The following NDST4 variants were observed in gnomAD, a reference collection of about 807,000 sequenced individuals.
NDST4 encodes the protein N-deacetylase and N-sulfotransferase 4.
In NDST4, 63 loss-of-function variants were observed where a neutral mutation model predicts 100.8. That is an observed-to-expected ratio of 0.62 (90% CI 0.51 to 0.77). NDST4 has a LOEUF of 0.77. Ranked by LOEUF, NDST4 falls within the 30% of genes least tolerant of loss-of-function variation. The pLI is 0.00. For missense variants in NDST4, 943 were observed against 1,018.4 expected (o/e 0.93, Z 1.01); for synonymous variants, 377 against 361.8 (o/e 1.04, Z -0.48).
At chr4:114,900,720 A>T (rs1724818998) in intron 6 of NDST4, among the ~76,000 whole-genome samples, 1 of 152,126 alleles carries the variant, frequency 6.6e-6, no homozygotes, top group African/African-American at 2.4e-5. Flanking sequence ...AAATTACCTA[A>T]AGATGCATTT....
At chr4:114,884,251 A>G (rs1724431545) in intron 6 of NDST4, among the ~76,000 whole-genome samples, 2 of 152,078 alleles carry the variant, frequency 1.3e-5, no homozygotes, top group South Asian at 4.1e-4. Flanking sequence ...ACTTATTCAC[A>G]CATGCATGTG....
At chr4:115,043,996 T>C (rs114394543) in intron 2 of NDST4, among the ~76,000 whole-genome samples, 2,199 of 152,216 alleles carry the variant, frequency 0.014, 63 homozygotes, top group African/African-American at 0.05. Flanking sequence ...TATTACAATG[T>C]TGTGTTTGTA....
intron 7 of NDST4, among the ~76,000 whole-genome samples, chr4:114,862,369 C>T (rs1443508056): frequency 1.3e-5 from 2 of 152,110 alleles, no homozygotes; most frequent in Non-Finnish European, 2.9e-5. Context: ...CATTTCTGTA[C>T]TGCATTTTTA....
intron 12 of NDST4, among the ~76,000 whole-genome samples, chr4:114,830,260 A>T (rs1476510153): frequency 6.6e-6 from 1 of 152,214 alleles, no homozygotes; most frequent in Non-Finnish European, 1.5e-5. Flanking sequence ...TATGGATGTG[A>T]TTTCAAAGAT....
In NDST4 at chr4:115,087,845, A is replaced by G. The variant is rs146125354; in HGVS notation, c.-246-10563T>C. Among the ~76,000 whole-genome samples, 4 of 151,972 alleles carry G rather than the reference A, an allele frequency of 2.6e-5. No individual in the cohort carries two copies. The East Asian group carries it at 7.7e-4, about 29-fold the overall frequency. ...AGAAACTCAACTGCTTTTTTTCTTA[A>G]CAAAATTTATGTATATTTTATACTT... On this transcript the variant is annotated intron_variant, in intron 1 of 13. Coordinates refer to ENST00000264363, the MANE Select transcript of NDST4 (RefSeq NM_022569.3).
At chr4:114,958,380 C>A (rs183906430) in intron 4 of NDST4, among the ~76,000 whole-genome samples, 1 of 147,940 alleles carries the variant, frequency 6.8e-6, no homozygotes, top group African/African-American at 2.7e-5. Context: ...GTAACATGTT[C>A]CTCATCTCCA....
In NDST4 at chr4:114,902,727, C is replaced by T. The variant is rs141369830; in HGVS notation, c.1537-31777G>A. On this transcript the variant is annotated intron_variant, in intron 6 of 13. Coordinates refer to ENST00000264363, the MANE Select transcript of NDST4 (RefSeq NM_022569.3). ...ATGATTACACTTTTGGTATTTATTC[C>T]GTAGTTCTTGGATATTCTGGATTTT... Among the ~76,000 whole-genome samples the T allele has an allele frequency of 5.5e-4, 83 of 151,702 alleles. 5 individuals carry two copies. In the East Asian group the frequency reaches 6.6e-3, roughly 12 times the overall value.
chr4:114,999,713 C>A (rs912285624), intron 2 of NDST4, among the ~76,000 whole-genome samples: 2 of 151,920 alleles, frequency 1.3e-5, no homozygotes, highest in Admixed American at 1.3e-4. Flanking sequence ...GAATTTTGAA[C>A]TTACTTCCTA....
At chr4:114,842,506 T>C (rs1213117770) in intron 10 of NDST4, among the ~76,000 whole-genome samples, 1 of 151,120 alleles carries the variant, frequency 6.6e-6, no homozygotes, top group Admixed American at 6.6e-5. Flanking sequence ...AAAATACTTT[T>C]TGTGGCAGGG....
intron 6 of NDST4, among the ~76,000 whole-genome samples, chr4:114,884,327 A>G (rs1238245407): frequency 6.6e-6 from 1 of 152,098 alleles, no homozygotes; most frequent in Non-Finnish European, 1.5e-5. Flanking sequence ...GGAGGAGAAG[A>G]AAAAACTTTA....
At position 114,986,832 on chromosome 4, in the gene NDST4, A is replaced by ATATATATATATATATTTTTTTTT; in HGVS notation, c.979-9559_979-9558insAAAAAAAAATATATATATATATA. Among the ~76,000 whole-genome samples, 9 of 94,654 alleles carry ATATATATATATATATTTTTTTTT rather than the reference A, an allele frequency of 9.5e-5. 1 individual carries two copies. The highest frequency in any genetic ancestry group is 1.7e-4 in the Non-Finnish European group (8 of 46,230). 62.1% of individuals were successfully genotyped at this position (94,654 alleles called of 152,430 possible). On this transcript the variant is annotated intron_variant, in intron 2 of 13. Transcript: ENST00000264363. ...TATATATATATATATATATATATAT[A>ATATATATATATATATTTTTTTTT]TTTTAATATACTATTCCTATAAGCT...
At chr4:115,072,612 T>C (rs1729100462) in intron 2 of NDST4, among the ~76,000 whole-genome samples, 1 of 151,966 alleles carries the variant, frequency 6.6e-6, no homozygotes, top group Admixed American at 6.6e-5. Context: ...CAATAAATAG[T>C]GTTAGGAAAA....
intron 2 of NDST4, among the ~76,000 whole-genome samples, chr4:115,055,145 T>C (rs1728666796): frequency 1.3e-5 from 2 of 152,144 alleles, no homozygotes; most frequent in Non-Finnish European, 2.9e-5. Context: ...TATGAGAATC[T>C]AATGCCTCAT....
chr4:115,011,411 A>G (rs1309263838), intron 2 of NDST4, among the ~76,000 whole-genome samples: 1 of 151,854 alleles, frequency 6.6e-6, no homozygotes, highest in Non-Finnish European at 1.5e-5. Context: ...TTCATGCACC[A>G]TCAAACTTTC....
intron 6 of NDST4, among the ~76,000 whole-genome samples, chr4:114,926,632 G>C (rs905071712): frequency 6.6e-6 from 1 of 152,000 alleles, no homozygotes; most frequent in African/African-American, 2.4e-5. Context: ...TTGTATTGTA[G>C]AGAGGGCCAA....
chr4:114,929,078 A>ATCCG (rs1725448826), intron 6 of NDST4, among the ~76,000 whole-genome samples: 2 of 96,570 alleles, frequency 2.1e-5, no homozygotes, highest in African/African-American at 3.8e-5. Flanking sequence ...CCGTCCGTCC[A>ATCCG]TCCATCCATC....
chr4:115,014,662 G>A (rs1727636349), intron 2 of NDST4, among the ~76,000 whole-genome samples: 1 of 152,016 alleles, frequency 6.6e-6, no homozygotes, highest in African/African-American at 2.4e-5. Flanking sequence ...TCAAATCAAT[G>A]GTGCTTGGAG....
At chr4:114,877,660 A>G (rs1243901728) in intron 6 of NDST4, among the ~76,000 whole-genome samples, 1 of 152,204 alleles carries the variant, frequency 6.6e-6, no homozygotes, top group Non-Finnish European at 1.5e-5. Flanking sequence ...ACTTAGAAGG[A>G]GAAATAGGCC....
chr4:114,939,986 A>G (rs1289418994), intron 4 of NDST4, among the ~76,000 whole-genome samples: 1 of 152,200 alleles, frequency 6.6e-6, no homozygotes, highest in Non-Finnish European at 1.5e-5. Flanking sequence ...CTTAAAACCT[A>G]CTTCGCAGAG....
Sources: gnomAD v4.1 joint callset for allele counts (sites outside exome capture counted in the v4.1 genomes callset) on GRCh38, gnomAD v4.1.1 for gene constraint, MANE v1.5 for transcripts, NCBI Gene and HGNC (gene_info 2026-07-23, HGNC 2026-07-21) for gene names.